Variants in ATP8A2 observed in about 807,000 individuals in gnomAD.
The protein encoded by ATP8A2 is ATPase phospholipid transporting 8A2, also known as phospholipid-transporting ATPase IB.
In ATP8A2, 100 loss-of-function variants were observed where a neutral mutation model predicts 165.6. That is an observed-to-expected ratio of 0.60 (90% CI 0.51 to 0.71). ATP8A2 has a LOEUF of 0.71. ATP8A2 is among the 30% of genes least tolerant of loss of function. ATP8A2 has a pLI of 0.00. For missense variants in ATP8A2, 1,227 were observed against 1,479.5 expected (o/e 0.83, Z 2.80); for synonymous variants, 543 against 548.8 (o/e 0.99, Z 0.15).
intron 24 of ATP8A2, among the ~76,000 whole-genome samples, chr13:25,642,573 C>T (rs529984684): frequency 3.0e-4 from 45 of 152,204 alleles, no homozygotes; most frequent in Middle Eastern, 3.4e-3. Flanking sequence ...GAATGGTGAT[C>T]GTTAAAAAGT....
At chr13:25,868,739 C>T (rs1468712627) in intron 33 of ATP8A2, among the ~76,000 whole-genome samples, 2 of 152,114 alleles carry the variant, frequency 1.3e-5, no homozygotes, top group Admixed American at 1.3e-4. Context: ...TGTGCATTTC[C>T]TTCCTAGAAG....
chr13:25,441,880 A>T (rs1203773630), intron 1 of ATP8A2, among the ~76,000 whole-genome samples: 1 of 151,522 alleles, frequency 6.6e-6, no homozygotes, highest in Non-Finnish European at 1.5e-5. Flanking sequence ...TAAAACTAAA[A>T]CTCTGTGCCC....
chr13:25,469,272 C>G, intron 2 of ATP8A2, 151 bp downstream of exon 2: 1 of 937,228 alleles, frequency 1.1e-6, no homozygotes, highest in South Asian at 1.7e-5. Flanking sequence ...CCCACTAGCC[C>G]GCGGTGCAGC....
chr13:25,555,454 T>G (rs181053790), intron 13 of ATP8A2, among the ~76,000 whole-genome samples: 2 of 152,196 alleles, frequency 1.3e-5, no homozygotes, highest in Admixed American at 1.3e-4. Flanking sequence ...GGACATGCAT[T>G]TCTCGCATGT....
intron 24 of ATP8A2, among the ~76,000 whole-genome samples, chr13:25,594,982 G>GTATATATATATATA (rs1275140289): frequency 1.1e-4 from 9 of 82,512 alleles, no homozygotes; most frequent in African/African-American, 3.7e-4. Flanking sequence ...GTGTGTGTGT[G>GTATATATATATATA]TGTATATATA....
intron 1 of ATP8A2, among the ~76,000 whole-genome samples, chr13:25,413,392 C>T (rs1446068941): frequency 2.0e-5 from 3 of 149,614 alleles, no homozygotes; most frequent in Non-Finnish European, 4.4e-5. Context: ...AGCGATTCTC[C>T]TGCCTCAGCC....
At chr13:25,531,254 A>ATATATATGATATATATGTTATATATGT (rs1566229146) in intron 4 of ATP8A2, among the ~76,000 whole-genome samples, 4 of 18,798 alleles carry the variant, frequency 2.1e-4, no homozygotes, top group Non-Finnish European at 3.9e-4. Context: ...GTTATATATG[A>ATATATATGATATATATGTTATATATGT]TATATATGAT....
intron 35 of ATP8A2, 145 bp from the exon 36 acceptor site, chr13:26,012,386 G>A (rs1370717555): frequency 3.0e-6 from 2 of 660,716 alleles, no homozygotes; most frequent in East Asian, 6.4e-5. Context: ...GCATCTGCTG[G>A]AAATCACGGG....
chr13:25,759,183 A>T lies in ATP8A2; in HGVS notation c.2385-9863A>T, dbSNP rs549769102. Among the ~76,000 whole-genome samples, 157 of 152,324 alleles carry T rather than the reference A, an allele frequency of 1.0e-3. 1 individual carries two copies. Among genetic ancestry groups the T allele is most frequent in the African/African-American group, 3.7e-3 (155 of 41,580 alleles). ...ACTGAGGTGAAGGTCAGAACTGGATAGCCTACCCACTATTTCCAGAGTGCA... is the reference window on the plus strand; with the variant it reads ...ACTGAGGTGAAGGTCAGAACTGGATTGCCTACCCACTATTTCCAGAGTGCA... On this transcript the variant is annotated intron_variant, in intron 25 of 36. Transcript: ENST00000381655.
intron 33 of ATP8A2, among the ~76,000 whole-genome samples, chr13:25,877,782 C>A (rs1952856395): frequency 6.6e-6 from 1 of 152,188 alleles, no homozygotes; most frequent in South Asian, 2.1e-4. Context: ...GCAGTTAATT[C>A]TAAAGCCATT....
intron 30 of ATP8A2, among the ~76,000 whole-genome samples, chr13:25,847,582 C>A (rs1033686364): frequency 6.6e-6 from 1 of 152,164 alleles, no homozygotes; most frequent in Non-Finnish European, 1.5e-5. Context: ...TCACCCTTAG[C>A]AGGAAGTTGA....
chr13:25,953,544 A>C lies in ATP8A2; in HGVS notation c.3184-8031A>C, dbSNP rs900737138. 8.1e-6 allele frequency among the ~76,000 whole-genome samples: 1 copy of C among 122,940 alleles called. No individual in the cohort carries two copies. The highest frequency in any genetic ancestry group is 3.6e-5 in the African/African-American group (1 of 27,652). The allele number at this position is 122,940 out of a possible 152,430, so 80.7% of individuals were successfully genotyped here. ...TTTTAAAAAAAAAAAAAAAAAAAAA[A>C]AAGCAAGGGAAATAGGCAAGACGGC... On this transcript the variant is annotated intron_variant, in intron 33 of 36. Coordinates refer to ENST00000381655, the MANE Select transcript of ATP8A2 (RefSeq NM_016529.6). This position sits in a 1 kb window ranked among gnomAD's most constrained non-coding sequence, Gnocchi z 6.7.
chr13:25,908,596 A>G (rs1954015644), intron 33 of ATP8A2, among the ~76,000 whole-genome samples: 1 of 152,238 alleles, frequency 6.6e-6, no homozygotes, highest in African/African-American at 2.4e-5. Context: ...CAGACGCCCC[A>G]TGGCTGCTAC....
At chr13:25,786,733 CTTTTT>C (rs2045035822) in intron 27 of ATP8A2, among the ~76,000 whole-genome samples, 1 of 146,826 alleles carries the variant, frequency 6.8e-6, no homozygotes, top group African/African-American at 2.5e-5. Context: ...AAAATTAACC[CTTTTT>C]AATGCACAAT....
intron 22 of ATP8A2, 41 bp from the exon 23 acceptor site, chr13:25,581,778 G>A: frequency 1.3e-6 from 2 of 1,592,240 alleles, no homozygotes; most frequent in African/African-American, 1.3e-5. Context: ...CTGTTCTTAA[G>A]TATGTGCCAA....
chr13:25,791,650 T>C (rs954590879), intron 27 of ATP8A2, among the ~76,000 whole-genome samples: 2 of 151,872 alleles, frequency 1.3e-5, no homozygotes, highest in African/African-American at 4.8e-5. Context: ...GTGGTTTCTC[T>C]CCTCCCAGAA....
chr13:25,970,524 GA>G (rs1375525968), intron 35 of ATP8A2, among the ~76,000 whole-genome samples: 1 of 152,264 alleles, frequency 6.6e-6, no homozygotes, highest in Non-Finnish European at 1.5e-5. Flanking sequence ...GCATTTTGCA[GA>G]GATACAGAAC....
At chr13:25,574,930 G>A in intron 19 of ATP8A2, 73 bp downstream of exon 19, 1 of 823,992 alleles carries the variant, frequency 1.2e-6, no homozygotes, top group Non-Finnish European at 2.0e-6. Context: ...GTGTTTACAT[G>A]ATTGTATGGT....
intron 1 of ATP8A2, among the ~76,000 whole-genome samples, chr13:25,422,660 G>T (rs2034334711): frequency 6.6e-6 from 1 of 152,180 alleles, no homozygotes; most frequent in African/African-American, 2.4e-5. Context: ...AAGGAAGGAT[G>T]TTTATTTGGA....
Sources: allele counts gnomAD v4.1 joint callset (sites outside exome capture counted in the v4.1 genomes callset), GRCh38; gene constraint gnomAD v4.1.1; non-coding constraint Gnocchi (gnomAD v3.1); transcripts MANE v1.5; gene names NCBI Gene and HGNC (gene_info 2026-07-23, HGNC 2026-07-21).